EPHA5: variants seen among roughly 807,000 people sequenced by gnomAD.
The protein encoded by EPHA5 is EPH receptor A5.
EPHA5 carries 60 observed loss-of-function variants against 105.0 expected under a neutral mutation model. The observed-to-expected ratio is 0.57, with a 90% CI of 0.46 to 0.71. The LOEUF (loss-of-function observed/expected upper bound fraction) is 0.71, where lower values mean the gene tolerates loss of function less well. EPHA5 is among the 30% of genes least tolerant of loss of function. The pLI is 0.00. For missense variants in EPHA5, 1,218 were observed against 1,274.7 expected, an observed-to-expected ratio of 0.96 and a Z score of 0.68; for synonymous variants, 513 against 449.1, an observed-to-expected ratio of 1.14 and a Z score of -1.80.
rs1719594522 is a variant in EPHA5 at position 65,320,969 on chromosome 4, G to A, written c.*3145C>T. 2 of 229,976 alleles carry A rather than the reference G, an allele frequency of 8.7e-6. No individual in the cohort carries two copies. The highest frequency in any genetic ancestry group is 5.7e-5 in the Admixed American group (1 of 17,586). 14.2% of individuals were successfully genotyped at this position (229,976 alleles called of 1,614,324 possible). On this transcript the variant is annotated 3_prime_UTR_variant, in exon 17 of 17. Transcript: ENST00000613740. ...ATGCACATTACAATTTTAAAACATAGGAAAATCAAAATCTTTACATCTTTA... is the reference window on the plus strand; with the variant it reads ...ATGCACATTACAATTTTAAAACATAAGAAAATCAAAATCTTTACATCTTTA...
At chr4:65,621,661 A>G (rs1440487790) in intron 2 of EPHA5, among the ~76,000 whole-genome samples, 2 of 152,178 alleles carry the variant, frequency 1.3e-5, no homozygotes, top group Admixed American at 1.3e-4. Flanking sequence ...ATTAATATAC[A>G]GAATCAGAAA....
Position 65,320,237 on chromosome 4 carries a change from A to G in EPHA5, c.*3877T>C, listed in dbSNP as rs1719527665. 4 of 230,228 alleles carry G rather than the reference A, an allele frequency of 1.7e-5. No individual in the cohort carries two copies. In the East Asian group the frequency reaches 2.5e-4, roughly 14 times the overall value. 14.3% of individuals were successfully genotyped at this position (230,228 alleles called of 1,614,324 possible). Reference sequence around the variant, plus strand: ...CACAATAGAGAAAATTATTCAATGTAAACAGCTGTGCTACAGAGTTGAAAA... The same window carrying G: ...CACAATAGAGAAAATTATTCAATGTGAACAGCTGTGCTACAGAGTTGAAAA... On this transcript the variant is annotated 3_prime_UTR_variant, in exon 17 of 17. Coordinates refer to ENST00000613740, the MANE Select transcript of EPHA5 (RefSeq NM_001281766.3).
At chr4:65,381,022 T>G (rs1039350616) in intron 8 of EPHA5, among the ~76,000 whole-genome samples, 1 of 151,438 alleles carries the variant, frequency 6.6e-6, no homozygotes, top group Non-Finnish European at 1.5e-5. Flanking sequence ...CCACACAGGG[T>G]TGCTTTGAAG....
chr4:65,471,583 A>G (rs1729288772), intron 5 of EPHA5, among the ~76,000 whole-genome samples: 1 of 152,206 alleles, frequency 6.6e-6, no homozygotes, highest in South Asian at 2.1e-4. Flanking sequence ...ACAGTTCCAC[A>G]TGGCTGGGAA....
At position 65,586,813 on chromosome 4, in the gene EPHA5, G is replaced by A. The variant is rs77965015; in HGVS notation, c.910+14828C>T. On this transcript the variant is annotated intron_variant, in intron 3 of 16. Coordinates refer to ENST00000613740, the MANE Select transcript of EPHA5 (RefSeq NM_001281766.3). ...ATATATCTGGTAAAGTTATTGTAAG[G>A]ATTAAATTCTTTTCTACAGACCTGG... 8.2e-3 allele frequency among the ~76,000 whole-genome samples: 1,251 copies of A among 151,940 alleles called. 16 individuals are homozygous for A. Among genetic ancestry groups the A allele is most frequent in the African/African-American group, 0.028 (1,168 of 41,468 alleles).
intron 3 of EPHA5, among the ~76,000 whole-genome samples, chr4:65,542,112 A>G (rs1427209190): frequency 6.6e-6 from 1 of 151,834 alleles, no homozygotes; most frequent in Admixed American, 6.6e-5. Flanking sequence ...TTACAGCACT[A>G]AAAGGTTCAC....
chr4:65,443,950 C>T (rs1726267202), intron 5 of EPHA5, among the ~76,000 whole-genome samples: 1 of 152,126 alleles, frequency 6.6e-6, no homozygotes, highest in Non-Finnish European at 1.5e-5. Flanking sequence ...TGCACGCGCA[C>T]ATGCGCACTG....
At chr4:65,537,032 G>T (rs574435779) in intron 3 of EPHA5, among the ~76,000 whole-genome samples, 2 of 151,490 alleles carry the variant, frequency 1.3e-5, no homozygotes, top group Non-Finnish European at 3.0e-5. Context: ...TGACTTAGAG[G>T]GACAAATTTT....
intron 6 of EPHA5, among the ~76,000 whole-genome samples, chr4:65,419,474 T>C (rs1441281546): frequency 1.3e-5 from 2 of 152,206 alleles, no homozygotes; most frequent in Non-Finnish European, 2.9e-5. Context: ...TTTTTTGGGA[T>C]CTGCATGTCT....
At chr4:65,611,300 A>G (rs4597887) in intron 2 of EPHA5, among the ~76,000 whole-genome samples, 74,853 of 151,872 alleles carry the variant, frequency 0.49, 20,134 homozygotes, top group Middle Eastern at 0.66. Flanking sequence ...ATTGAAAAGT[A>G]ACATAATTGG....
intron 3 of EPHA5, among the ~76,000 whole-genome samples, chr4:65,576,014 GAAAGAAAGAA>G (rs1740893012): frequency 1.3e-5 from 1 of 77,974 alleles, no homozygotes; most frequent in Non-Finnish European, 2.5e-5. Flanking sequence ...AAGAAAGAAA[GAAAGAAAGAA>G]AGAAAGAAAG....
At chr4:65,431,790 T>C (rs1725003999) in intron 5 of EPHA5, among the ~76,000 whole-genome samples, 2 of 152,154 alleles carry the variant, frequency 1.3e-5, no homozygotes, top group Non-Finnish European at 2.9e-5. Context: ...AAAATCCATG[T>C]ACCTGCATTC....
At chr4:65,419,546 T>C (rs1010101717) in intron 6 of EPHA5, among the ~76,000 whole-genome samples, 5 of 152,178 alleles carry the variant, frequency 3.3e-5, no homozygotes, top group African/African-American at 1.2e-4. Flanking sequence ...TAGCTCAGAC[T>C]CTCCAACCCA....
chr4:65,351,616 A>G lies in EPHA5; in HGVS notation c.2236-18T>C. The G allele has an allele frequency of 6.2e-7, 1 of 1,611,208 alleles. No individual in the cohort carries two copies. Among genetic ancestry groups the G allele is most frequent in the Non-Finnish European group, 8.5e-7 (1 of 1,177,802 alleles). ...TCGTTTTTCTGTAAAGACAATGTAG[A>G]AATATTAGTCTAGCAACACCAATCA... On this transcript the variant is annotated intron_variant, in intron 12 of 16. Transcript: ENST00000613740.
At chr4:65,656,678 ATCAGGGC>A (rs1444102892) in intron 1 of EPHA5, among the ~76,000 whole-genome samples, 1 of 150,058 alleles carries the variant, frequency 6.7e-6, no homozygotes, top group Non-Finnish European at 1.5e-5. Context: ...AAGAGGAGTG[ATCAGGGC>A]TCACTGAAGC....
chr4:65,609,891 TA>T (rs1362348378), intron 2 of EPHA5, among the ~76,000 whole-genome samples: 1 of 152,092 alleles, frequency 6.6e-6, no homozygotes, highest in Non-Finnish European at 1.5e-5. Context: ...AGCATATATA[TA>T]GACTGATTAT....
intron 8 of EPHA5, 33 bp downstream of exon 8, chr4:65,404,341 G>A (rs748972098): frequency 5.1e-6 from 8 of 1,572,630 alleles, no homozygotes; most frequent in Non-Finnish European, 7.0e-6. Flanking sequence ...GAGATCAGCT[G>A]CAGAACTTCA....
chr4:65,479,736 A>G (rs1730171331), intron 5 of EPHA5, among the ~76,000 whole-genome samples: 1 of 152,206 alleles, frequency 6.6e-6, no homozygotes, highest in Non-Finnish European at 1.5e-5. Context: ...TATGATGCAC[A>G]TTAAATGGCC....
intron 2 of EPHA5, among the ~76,000 whole-genome samples, chr4:65,612,655 T>C (rs1205406293): frequency 1.3e-5 from 2 of 152,340 alleles, no homozygotes; most frequent in East Asian, 1.9e-4. Flanking sequence ...ATATTCTTGA[T>C]GCAATGATTT....
Sources: gnomAD v4.1 joint callset for allele counts (sites outside exome capture counted in the v4.1 genomes callset) on GRCh38, gnomAD v4.1.1 for gene constraint, MANE v1.5 for transcripts, NCBI Gene and HGNC (gene_info 2026-07-23, HGNC 2026-07-21) for gene names.